The following CACNA2D3 variants were observed in gnomAD, a reference collection of about 807,000 sequenced individuals.
CACNA2D3 encodes the protein voltage-dependent calcium channel subunit alpha-2/delta-3.
A neutral mutation model predicts 160.6 loss-of-function variants in CACNA2D3; 60 were observed. That is an observed-to-expected ratio of 0.37 (90% confidence interval 0.30 to 0.46). The LOEUF (loss-of-function observed/expected upper bound fraction) is 0.46. Among genes scored for constraint, CACNA2D3 ranks in the 20% least tolerant of loss-of-function variants. CACNA2D3 has a pLI of 1.00. For missense variants in CACNA2D3, 1,205 were observed against 1,365.0 expected, an observed-to-expected ratio of 0.88 and a Z score of 1.85; for synonymous variants, 558 against 492.9, an observed-to-expected ratio of 1.13 and a Z score of -1.75.
intron 3 of CACNA2D3, among the ~76,000 whole-genome samples, chr3:54,363,353 T>C (rs896722443): frequency 6.6e-6 from 1 of 152,184 alleles, no homozygotes; most frequent in African/African-American, 2.4e-5. Flanking sequence ...GGTGTCCTGA[T>C]GTCAAGCAGT....
chr3:54,708,457 G>A (rs1299577840), intron 11 of CACNA2D3, among the ~76,000 whole-genome samples: 1 of 152,150 alleles, frequency 6.6e-6, no homozygotes, highest in African/African-American at 2.4e-5. Context: ...ACACTTCTTC[G>A]AAAGGATGGA....
chr3:54,276,871 G>A (rs1702753683), intron 2 of CACNA2D3, among the ~76,000 whole-genome samples: 1 of 152,204 alleles, frequency 6.6e-6, no homozygotes, highest in Non-Finnish European at 1.5e-5. Flanking sequence ...TTCCTTGATT[G>A]GGTTGCCCAC....
At chr3:54,878,978 C>T (rs1478829293) in intron 18 of CACNA2D3, 40 bp from the exon 19 acceptor site, 5 of 1,317,144 alleles carry the variant, frequency 3.8e-6, no homozygotes, top group African/African-American at 2.9e-5. Flanking sequence ...TACATGATAA[C>T]CCAGGGAAGA....
intron 11 of CACNA2D3, among the ~76,000 whole-genome samples, chr3:54,660,685 A>G (rs1575411006): frequency 6.6e-6 from 1 of 152,176 alleles, no homozygotes; most frequent in African/African-American, 2.4e-5. Flanking sequence ...CCATAAAAAT[A>G]TGAAGGGAGG....
At chr3:54,456,491 A>G (rs184977017) in intron 4 of CACNA2D3, among the ~76,000 whole-genome samples, 2 of 152,054 alleles carry the variant, frequency 1.3e-5, no homozygotes, top group Non-Finnish European at 2.9e-5. Context: ...TTCTATATAT[A>G]AGATCATCTG....
chr3:54,898,860 C>G (rs576701573), intron 26 of CACNA2D3, among the ~76,000 whole-genome samples: 1 of 151,964 alleles, frequency 6.6e-6, no homozygotes, highest in Non-Finnish European at 1.5e-5. Context: ...CCTTAGAGTC[C>G]GGGAAAATCT....
intron 31 of CACNA2D3, among the ~76,000 whole-genome samples, chr3:54,997,080 G>A (rs960562108): frequency 1.3e-5 from 2 of 152,104 alleles, no homozygotes; most frequent in African/African-American, 2.4e-5. Context: ...TAGATGATGG[G>A]TTGATGGGTG....
chr3:55,005,765 C>G (rs1703080869), intron 32 of CACNA2D3, among the ~76,000 whole-genome samples: 1 of 151,954 alleles, frequency 6.6e-6, no homozygotes, highest in Admixed American at 6.6e-5. Context: ...CCTAAAAACA[C>G]AGAAAAAAAA....
intron 2 of CACNA2D3, among the ~76,000 whole-genome samples, chr3:54,159,847 T>C (rs1700311231): frequency 6.6e-6 from 1 of 152,026 alleles, no homozygotes; most frequent in African/African-American, 2.4e-5. Context: ...AGAGACAAAA[T>C]CATGAATAGG....
intron 27 of CACNA2D3, among the ~76,000 whole-genome samples, chr3:54,912,442 T>C (rs1461723336): frequency 1.3e-5 from 2 of 152,084 alleles, no homozygotes; most frequent in Admixed American, 6.5e-5. Flanking sequence ...CTCCTTCTAC[T>C]TCCCTTTTGC....
At chr3:54,516,640 C>G (rs1260766107) in intron 5 of CACNA2D3, among the ~76,000 whole-genome samples, 1 of 152,180 alleles carries the variant, frequency 6.6e-6, no homozygotes, top group Non-Finnish European at 1.5e-5. Context: ...TGAAAAGTCT[C>G]TGGGTTCCAA....
intron 16 of CACNA2D3, among the ~76,000 whole-genome samples, chr3:54,839,298 C>T (rs987741395): frequency 1.3e-5 from 2 of 152,110 alleles, no homozygotes; most frequent in Admixed American, 1.3e-4. Context: ...TCTTAGACCC[C>T]ATCCAGAAAA....
chr3:54,411,592 A>G (rs1188408662), intron 4 of CACNA2D3, among the ~76,000 whole-genome samples: 3 of 152,190 alleles, frequency 2.0e-5, no homozygotes, highest in Non-Finnish European at 2.9e-5. Flanking sequence ...ACATAATGCT[A>G]TTGCACACTT....
intron 11 of CACNA2D3, among the ~76,000 whole-genome samples, chr3:54,734,368 G>T (rs748054778): frequency 6.6e-6 from 1 of 152,150 alleles, no homozygotes; most frequent in Non-Finnish European, 1.5e-5. Flanking sequence ...CTCACACAAG[G>T]GTAGAGCATC....
At chr3:54,609,687 C>G (rs780869402) in intron 9 of CACNA2D3, among the ~76,000 whole-genome samples, 2 of 152,194 alleles carry the variant, frequency 1.3e-5, no homozygotes, top group Non-Finnish European at 2.9e-5. Context: ...TTTAAATATG[C>G]TTCTTCACCA....
chr3:54,375,517 T>C (rs1302970073), intron 3 of CACNA2D3, among the ~76,000 whole-genome samples: 4 of 152,016 alleles, frequency 2.6e-5, no homozygotes, highest in African/African-American at 9.7e-5. Context: ...CAGTCAAACA[T>C]ACAAGGATCT....
intron 2 of CACNA2D3, among the ~76,000 whole-genome samples, chr3:54,235,474 C>T (rs1701856024): frequency 6.6e-6 from 1 of 152,072 alleles, no homozygotes; most frequent in South Asian, 2.1e-4. Flanking sequence ...AGGTGCCACG[C>T]ACTTTTAAAC....
At chr3:54,198,573 A>G (rs1010821374) in intron 2 of CACNA2D3, among the ~76,000 whole-genome samples, 7 of 152,246 alleles carry the variant, frequency 4.6e-5, no homozygotes, top group African/African-American at 1.7e-4. Context: ...AAATTGGTCA[A>G]TTTTTAGCAC....
chr3:54,208,395 AC>A (rs1457207194), intron 2 of CACNA2D3, among the ~76,000 whole-genome samples: 1 of 152,174 alleles, frequency 6.6e-6, no homozygotes, highest in Non-Finnish European at 1.5e-5. Context: ...GGTGTGAGCC[AC>A]CACACCTGGC....
Sources: gnomAD v4.1 joint callset for allele counts (sites outside exome capture counted in the v4.1 genomes callset) on GRCh38, gnomAD v4.1.1 for gene constraint, MANE v1.5 for transcripts, NCBI Gene and HGNC (gene_info 2026-07-23, HGNC 2026-07-21) for gene names.